SORCS2: variants seen among roughly 807,000 people sequenced by gnomAD.
SORCS2 encodes VPS10 domain-containing receptor SorCS2.
A neutral mutation model predicts 141.6 loss-of-function variants in SORCS2; 100 were observed. The observed-to-expected ratio is 0.71, with a 90% CI of 0.60 to 0.83. The LOEUF (loss-of-function observed/expected upper bound fraction) is 0.83, where lower values mean the gene tolerates loss of function less well. Among genes scored for constraint, SORCS2 ranks in the 40% least tolerant of loss-of-function variants. The probability of loss-of-function intolerance (pLI) is 0.00; values close to 1 mark genes in which losing one functional copy is unlikely to be tolerated. For synonymous variants in SORCS2, 789 were observed against 676.9 expected, an observed-to-expected ratio of 1.17 and a Z score of -2.57; for missense variants, 1,646 against 1,560.2, an observed-to-expected ratio of 1.05 and a Z score of -0.93.
At chr4:7,206,741 T>G (rs1252625313) in intron 1 of SORCS2, among the ~76,000 whole-genome samples, 1 of 152,100 alleles carries the variant, frequency 6.6e-6, no homozygotes, top group East Asian at 1.9e-4. Flanking sequence ...GGAGCCAGGG[T>G]ACTCCGTGGT....
intron 2 of SORCS2, among the ~76,000 whole-genome samples, chr4:7,501,244 C>A (rs900283461): frequency 6.6e-6 from 1 of 152,226 alleles, no homozygotes; most frequent in African/African-American, 2.4e-5. Flanking sequence ...CCCTCGTGGG[C>A]CAGTAAAGCC....
At chr4:7,422,562 C>G (rs1467522101) in intron 2 of SORCS2, among the ~76,000 whole-genome samples, 1 of 152,098 alleles carries the variant, frequency 6.6e-6, no homozygotes, top group Non-Finnish European at 1.5e-5. Context: ...GGTCCCAGGC[C>G]CCCTTGGTGC....
chr4:7,684,107 G>A (rs189816104), intron 10 of SORCS2, among the ~76,000 whole-genome samples: 33 of 152,224 alleles, frequency 2.2e-4, no homozygotes, highest in African/African-American at 2.6e-4. Flanking sequence ...CTTGCATACC[G>A]CAGGGAGCTC....
intron 2 of SORCS2, chr4:7,434,291 C>G (rs1727119975): frequency 6.2e-7 from 1 of 1,612,598 alleles, no homozygotes; most frequent in Admixed American, 1.7e-5. Context: ...GACCGGACAG[C>G]CTCCTGGAGT....
intron 1 of SORCS2, among the ~76,000 whole-genome samples, chr4:7,273,240 C>A (rs1715260574): frequency 6.6e-6 from 1 of 152,152 alleles, no homozygotes; most frequent in Non-Finnish European, 1.5e-5. Flanking sequence ...CAGTCTTATC[C>A]CAATCAGGGA....
chr4:7,222,917 A>G (rs1002347223), intron 1 of SORCS2, among the ~76,000 whole-genome samples: 1 of 152,120 alleles, frequency 6.6e-6, no homozygotes, highest in African/African-American at 2.4e-5. Flanking sequence ...ACCTTGACTC[A>G]TTCACTCAAG....
At chr4:7,726,439 G>A (rs73794747) in intron 20 of SORCS2, among the ~76,000 whole-genome samples, 22,256 of 152,096 alleles carry the variant, frequency 0.15, 1,682 homozygotes, top group East Asian at 0.18. Context: ...TGGGCATGGG[G>A]GTGCATACAT....
rs376598150 is a variant in SORCS2, at chr4:7,725,175, T to C, written c.2633T>C (p.Leu878Pro). ...ACAGCCCCCCTGCAGGCCCTCTACCTGGAGGTGGTTCCTGTCATTGGCCTC... is the reference window on the plus strand; with the variant it reads ...ACAGCCCCCCTGCAGGCCCTCTACCCGGAGGTGGTTCCTGTCATTGGCCTC... Reference protein sequence around the residue: ...QVNSPLQALYLEVVPVIGLNQ... With the variant: ...QVNSPLQALYPEVVPVIGLNQ... The change falls in exon 20 of 27, where the codon CTG becomes CCG. Residue 878 changes from leucine (L) to proline (P), a missense_variant. Transcript: ENST00000507866. 4.3e-6 allele frequency: 7 copies of C among 1,613,366 alleles called. No individual in the cohort carries two copies. In the African/African-American group the frequency reaches 9.3e-5, roughly 22 times the overall value.
intron 2 of SORCS2, among the ~76,000 whole-genome samples, chr4:7,446,191 G>A (rs965631239): frequency 6.6e-6 from 1 of 151,918 alleles, no homozygotes; most frequent in Non-Finnish European, 1.5e-5. Context: ...GGAGGGGAGG[G>A]GAGGGAAGAA....
intron 14 of SORCS2, among the ~76,000 whole-genome samples, chr4:7,709,281 G>C (rs556098116): frequency 1.7e-4 from 26 of 152,316 alleles, no homozygotes; most frequent in Admixed American, 1.6e-3. Flanking sequence ...ACCTGGCCAA[G>C]AGATGGGAGT....
intron 18 of SORCS2, among the ~76,000 whole-genome samples, chr4:7,719,302 T>A (rs1265635453): frequency 6.6e-6 from 1 of 152,256 alleles, no homozygotes; most frequent in Non-Finnish European, 1.5e-5. Context: ...CGCAGAGCAG[T>A]GCTTGCCCAG....
intron 2 of SORCS2, among the ~76,000 whole-genome samples, chr4:7,469,157 T>TG (rs1181878085): frequency 6.6e-6 from 1 of 151,736 alleles, no homozygotes; most frequent in Non-Finnish European, 1.5e-5. Flanking sequence ...ATGATGATGG[T>TG]GGTGATGGTC....
At chr4:7,712,960 G>A (rs775178809) in intron 15 of SORCS2, 107 bp downstream of exon 15, 235 of 1,471,648 alleles carry the variant, frequency 1.6e-4, no homozygotes, top group Non-Finnish European at 1.9e-4. Context: ...GCACCTCCCC[G>A]CCTCCAAGAA....
chr4:7,487,682 C>A (rs1317182446), intron 2 of SORCS2, among the ~76,000 whole-genome samples: 1 of 152,220 alleles, frequency 6.6e-6, no homozygotes, highest in Non-Finnish European at 1.5e-5. Context: ...GACGGGGCCT[C>A]TTCTGAGGAC....
intron 14 of SORCS2, among the ~76,000 whole-genome samples, chr4:7,706,075 G>GGCTCTGTCTGGGCAGGGATGAGGCTGA (rs1560498543): frequency 4.6e-4 from 66 of 144,222 alleles, no homozygotes; most frequent in East Asian, 3.6e-3. Flanking sequence ...GATGAGGCTG[G>GGCTCTGTCTGGGCAGGGATGAGGCTGA]GCTCTGCCTG....
intron 1 of SORCS2, among the ~76,000 whole-genome samples, chr4:7,369,506 G>C (rs191927667): frequency 6.6e-6 from 1 of 152,216 alleles, no homozygotes; most frequent in African/African-American, 2.4e-5. Flanking sequence ...GCACAGAGCC[G>C]TATTTGCTAA....
intron 2 of SORCS2, among the ~76,000 whole-genome samples, chr4:7,452,075 C>T (rs1056692037): frequency 3.9e-5 from 6 of 152,162 alleles, no homozygotes; most frequent in African/African-American, 7.2e-5. Context: ...CATGAATGTT[C>T]CTCCTTGTGC....
chr4:7,260,925 G>A (rs1294858851), intron 1 of SORCS2, among the ~76,000 whole-genome samples: 2 of 152,234 alleles, frequency 1.3e-5, no homozygotes, highest in South Asian at 2.1e-4. Flanking sequence ...TCAGAGAGGT[G>A]GAGAGTCATC....
At chr4:7,348,201 G>T (rs1463475247) in intron 1 of SORCS2, among the ~76,000 whole-genome samples, 6 of 152,178 alleles carry the variant, frequency 3.9e-5, no homozygotes, top group African/African-American at 1.2e-4. Flanking sequence ...GAATTCCTGG[G>T]GAAATTACTC....
Sources: gnomAD v4.1 joint callset for allele counts (sites outside exome capture counted in the v4.1 genomes callset) on GRCh38, gnomAD v4.1.1 for gene constraint, MANE v1.5 for transcripts, NCBI Gene and HGNC (gene_info 2026-07-23, HGNC 2026-07-21) for gene names.